The following TOM1 variants were observed in gnomAD, a reference collection of about 807,000 sequenced individuals.
TOM1 encodes target of Myb protein 1.
TOM1 carries 38 observed loss-of-function variants against 61.3 expected under a neutral mutation model. The observed-to-expected ratio is 0.62, with a 90% confidence interval of 0.48 to 0.81. The LOEUF (loss-of-function observed/expected upper bound fraction) is 0.81. TOM1 is among the 40% of genes least tolerant of loss of function. The probability of loss-of-function intolerance (pLI) is 0.00; values close to 1 mark genes in which losing one functional copy is unlikely to be tolerated. For synonymous variants in TOM1, 270 were observed against 268.8 expected (o/e 1.00, Z -0.04); for missense variants, 591 against 659.6 (o/e 0.90, Z 1.14).
At chr22:35,337,452 G>T (rs763840152) in intron 11 of TOM1, among the ~76,000 whole-genome samples, 13 of 152,324 alleles carry the variant, frequency 8.5e-5, no homozygotes, top group East Asian at 1.9e-4. Context: ...GGGCCCTGCC[G>T]TAGTCACTGG....
intron 13 of TOM1, among the ~76,000 whole-genome samples, chr22:35,346,084 A>C (rs1341542039): frequency 6.6e-6 from 1 of 152,248 alleles, no homozygotes; most frequent in South Asian, 2.1e-4. Flanking sequence ...CCGAGGAAGC[A>C]TAACAGCGCC....
At chr22:35,342,550 C>T (rs1049483210) in intron 12 of TOM1, among the ~76,000 whole-genome samples, 1 of 151,558 alleles carries the variant, frequency 6.6e-6, no homozygotes, top group African/African-American at 2.4e-5. Flanking sequence ...GAGGCCCAGC[C>T]TCTGGGATCC....
At chr22:35,304,681 T>A (rs990294677) in intron 1 of TOM1, among the ~76,000 whole-genome samples, 1 of 152,168 alleles carries the variant, frequency 6.6e-6, no homozygotes, top group Non-Finnish European at 1.5e-5. Context: ...GGTTTCACCG[T>A]GTTAGCCAGG....
At chr22:35,300,084 G>A (rs138728) in intron 1 of TOM1, 104 bp downstream of exon 1, 68,481 of 1,336,382 alleles carry the variant, frequency 0.051, 2,552 homozygotes, top group African/African-American at 0.18. Context: ...GGGAGGGCAA[G>A]GAGGCTGGCG....
intron 1 of TOM1, among the ~76,000 whole-genome samples, chr22:35,306,469 G>C (rs1233775787): frequency 3.9e-5 from 6 of 152,178 alleles, no homozygotes; most frequent in Non-Finnish European, 8.8e-5. Flanking sequence ...TGTCTAGAAA[G>C]GGCTTTGTAT....
chr22:35,333,773 G>T (rs551367678), intron 10 of TOM1, among the ~76,000 whole-genome samples: 1 of 152,234 alleles, frequency 6.6e-6, no homozygotes, highest in South Asian at 2.1e-4. Context: ...AATCATCTGC[G>T]TGAGCTTGGG....
At chr22:35,340,000 G>C (rs1929745746) in intron 12 of TOM1, among the ~76,000 whole-genome samples, 1 of 152,232 alleles carries the variant, frequency 6.6e-6, no homozygotes, top group Non-Finnish European at 1.5e-5. Flanking sequence ...TTGAGTGACA[G>C]CCACTTGTCC....
intron 9 of TOM1, 161 bp downstream of exon 9, chr22:35,333,175 G>A: frequency 1.1e-6 from 1 of 896,244 alleles, no homozygotes; most frequent in Non-Finnish European, 1.8e-6. Flanking sequence ...TCCCTTTAAG[G>A]TAAATAAGGC....
rs547638829 is a variant in TOM1 at position 35,322,995 on chromosome 22, C to T, written c.217-33C>T. 2.4e-5 allele frequency: 38 copies of T among 1,611,334 alleles called. 2 individuals are homozygous for T. In the South Asian group the frequency reaches 3.3e-4, roughly 14 times the overall value. On this transcript the variant is annotated intron_variant, in intron 3 of 14. Transcript: ENST00000449058. ...TTCTGAGCACCTCCTCTCCTCTGAC[C>T]AAGGTGCTCGACGGCACCTCTCGGC...
intron 10 of TOM1, 127 bp from the exon 11 acceptor site, chr22:35,334,201 C>T (rs902174908): frequency 2.2e-5 from 29 of 1,330,544 alleles, no homozygotes; most frequent in Admixed American, 2.4e-5. Flanking sequence ...GCCTGCCTCG[C>T]GCATTCCCCC....
intron 2 of TOM1, among the ~76,000 whole-genome samples, chr22:35,318,909 T>C (rs1288475672): frequency 6.6e-6 from 1 of 152,224 alleles, no homozygotes; most frequent in Non-Finnish European, 1.5e-5. Context: ...GGGAGGGCTT[T>C]GCGTGGAGAG....
chr22:35,334,259 G>C (rs1291961416), intron 10 of TOM1, 69 bp from the exon 11 acceptor site: 3 of 1,556,360 alleles, frequency 1.9e-6, no homozygotes, highest in African/African-American at 1.4e-5. Context: ...TCTGGCAGCA[G>C]GTAGCTCAGC....
upstream of TOM1, chr22:35,299,669 G>A (rs1601652987): frequency 2.0e-5 from 10 of 490,536 alleles, no homozygotes; most frequent in South Asian, 2.2e-5. Context: ...AAAGAGGACC[G>A]CGCTTCCCGG....
intron 11 of TOM1, among the ~76,000 whole-genome samples, chr22:35,334,950 G>T (rs1601705558): frequency 6.6e-6 from 1 of 151,676 alleles, no homozygotes; most frequent in Non-Finnish European, 1.5e-5. Flanking sequence ...CATAGCCACC[G>T]TTAATTTCCA....
chr22:35,347,024 G>A (rs1440451829), intron 14 of TOM1, 31 bp from the exon 15 acceptor site: 1 of 1,608,460 alleles, frequency 6.2e-7, no homozygotes, highest in African/African-American at 1.3e-5. Context: ...CTGGCCTCAG[G>A]GCCTACCCTC....
chr22:35,315,625 G>A (rs909788951), intron 1 of TOM1, among the ~76,000 whole-genome samples: 5 of 152,182 alleles, frequency 3.3e-5, no homozygotes, highest in Non-Finnish European at 7.3e-5. Flanking sequence ...TAAAGCAACC[G>A]CCCTCTGCCT....
intron 1 of TOM1, among the ~76,000 whole-genome samples, chr22:35,301,048 C>CAAAAAAA (rs139553640): frequency 4.3e-4 from 48 of 111,200 alleles, no homozygotes; most frequent in African/African-American, 1.9e-3. Flanking sequence ...CCCGTCTCTA[C>CAAAAAAA]AAAAAAAAAA....
intron 1 of TOM1, among the ~76,000 whole-genome samples, chr22:35,317,336 T>C (rs974257392): frequency 6.6e-6 from 1 of 152,132 alleles, no homozygotes; most frequent in African/African-American, 2.4e-5. Flanking sequence ...ATTACAGGCA[T>C]GTGCCACCAT....
chr22:35,302,372 G>T (rs1261502912), intron 1 of TOM1, among the ~76,000 whole-genome samples: 11 of 78,854 alleles, frequency 1.4e-4, no homozygotes, highest in African/African-American at 4.0e-4. Flanking sequence ...TTTCGCTCTT[G>T]TTGCCCAGGC....
Sources: allele counts gnomAD v4.1 joint callset (sites outside exome capture counted in the v4.1 genomes callset), GRCh38; gene constraint gnomAD v4.1.1; transcripts MANE v1.5; gene names NCBI Gene and HGNC (gene_info 2026-07-23, HGNC 2026-07-21).